The following ZNF385D variants were observed in gnomAD, a reference collection of about 807,000 sequenced individuals.
The protein encoded by ZNF385D is zinc finger protein 385D.
A neutral mutation model predicts 35.8 loss-of-function variants in ZNF385D; 15 were observed. That is an observed-to-expected ratio of 0.42 (90% CI 0.28 to 0.64). The LOEUF (loss-of-function observed/expected upper bound fraction) is 0.64, where lower values mean the gene tolerates loss of function less well. ZNF385D is among the 30% of genes least tolerant of loss of function. The probability of loss-of-function intolerance (pLI) is 0.23; values close to 1 mark genes in which losing one functional copy is unlikely to be tolerated. For synonymous variants in ZNF385D, 212 were observed against 186.8 expected, an observed-to-expected ratio of 1.13 and a Z score of -1.10; for missense variants, 474 against 494.6, an observed-to-expected ratio of 0.96 and a Z score of 0.39.
rs79444323 is a variant in ZNF385D, at chr3:21,546,062, A to T, written c.276+18512T>A. Among the ~76,000 whole-genome samples the T allele has an allele frequency of 1.1e-3, 160 of 152,204 alleles. 2 individuals are homozygous for T. The highest frequency in any genetic ancestry group is 8.2e-3 in the Admixed American group (125 of 15,284). On this transcript the variant is annotated intron_variant, in intron 3 of 7. Coordinates refer to ENST00000281523, the MANE Select transcript of ZNF385D (RefSeq NM_024697.3). ...ATTTTGCAAACTACTCAGTCCTATC[A>T]TATTTTTTTTTTGGTAACAAAATTG...
At chr3:22,129,887 T>C (rs1001245159) in intron 3 of ZNF385D, among the ~76,000 whole-genome samples, 1 of 152,050 alleles carries the variant, frequency 6.6e-6, no homozygotes, top group Non-Finnish European at 1.5e-5. Context: ...AGAAGGAGTC[T>C]CTTCTTATGG....
chr3:21,791,140 A>T (rs1360830698), intron 3 of ZNF385D, among the ~76,000 whole-genome samples: 1 of 152,216 alleles, frequency 6.6e-6, no homozygotes, highest in African/African-American at 2.4e-5. Context: ...AGGTCAATGC[A>T]GCATTTATAA....
intron 3 of ZNF385D, among the ~76,000 whole-genome samples, chr3:21,995,511 C>G (rs896913775): frequency 6.6e-6 from 1 of 152,020 alleles, no homozygotes; most frequent in East Asian, 1.9e-4. Context: ...GTGTAGGTGG[C>G]AGTGAGTGAG....
chr3:22,331,154 A>G (rs1164607847), intron 2 of ZNF385D, among the ~76,000 whole-genome samples: 1 of 152,214 alleles, frequency 6.6e-6, no homozygotes, highest in Non-Finnish European at 1.5e-5. Context: ...AGGTATTCCT[A>G]TGACAAATAC....
At position 21,645,450 on chromosome 3, in the gene ZNF385D, G is replaced by A. The variant is rs1029177562; in HGVS notation, c.165+19436C>T. 2.6e-5 allele frequency among the ~76,000 whole-genome samples: 4 copies of A among 152,254 alleles called. No homozygotes were observed. The East Asian group carries it at 5.8e-4, about 22-fold the overall frequency. On this transcript the variant is annotated intron_variant, in intron 2 of 7. Transcript: ENST00000281523. Reference sequence around the variant, plus strand: ...CCTTTAGTCTTGAACTCTCCTAAAGGTGGGGGATCTTAACTGCATTTGCAA... The same window carrying A: ...CCTTTAGTCTTGAACTCTCCTAAAGATGGGGGATCTTAACTGCATTTGCAA...
At chr3:21,812,576 G>A (rs181947504) in intron 3 of ZNF385D, among the ~76,000 whole-genome samples, 11 of 152,336 alleles carry the variant, frequency 7.2e-5, no homozygotes, top group Non-Finnish European at 8.8e-5. Context: ...AGGGTCCCAC[G>A]CCCACGGAGC....
intron 2 of ZNF385D, among the ~76,000 whole-genome samples, chr3:22,289,136 G>A (rs928278279): frequency 2.0e-5 from 3 of 152,158 alleles, no homozygotes; most frequent in Non-Finnish European, 4.4e-5. Flanking sequence ...CCTGGAAGAA[G>A]ATCTGTGGAA....
At chr3:21,635,241 T>C (rs1397000799) in intron 2 of ZNF385D, among the ~76,000 whole-genome samples, 1 of 152,120 alleles carries the variant, frequency 6.6e-6, no homozygotes, top group East Asian at 1.9e-4. Flanking sequence ...GTTCCACAAA[T>C]GTCATTGGTT....
At chr3:21,742,687 C>T (rs2069576751) in intron 1 of ZNF385D, among the ~76,000 whole-genome samples, 1 of 152,162 alleles carries the variant, frequency 6.6e-6, no homozygotes, top group African/African-American at 2.4e-5. Context: ...TGCCAGGAGG[C>T]CCTGGGCCCT....
intron 3 of ZNF385D, among the ~76,000 whole-genome samples, chr3:22,157,488 TC>T (rs1705668887): frequency 6.6e-6 from 1 of 152,138 alleles, no homozygotes; most frequent in African/African-American, 2.4e-5. Context: ...ATGTAGCTAT[TC>T]TACCAGTGAG....
At chr3:21,724,249 G>T (rs1186804765) in intron 1 of ZNF385D, among the ~76,000 whole-genome samples, 1 of 151,478 alleles carries the variant, frequency 6.6e-6, no homozygotes, top group African/African-American at 2.4e-5. Flanking sequence ...TCAACTAATG[G>T]GCAAAATAAC....
intron 2 of ZNF385D, among the ~76,000 whole-genome samples, chr3:22,252,578 G>T (rs1700117242): frequency 6.6e-6 from 1 of 152,024 alleles, no homozygotes; most frequent in African/African-American, 2.4e-5. Flanking sequence ...TGGGTGCTGT[G>T]CATTGTGCTA....
chr3:21,833,383 T>C (rs770863593), intron 3 of ZNF385D, among the ~76,000 whole-genome samples: 11 of 152,186 alleles, frequency 7.2e-5, no homozygotes, highest in Non-Finnish European at 1.5e-4. Flanking sequence ...ATTATCCAGA[T>C]GGACCCTAAA....
intron 2 of ZNF385D, among the ~76,000 whole-genome samples, chr3:22,262,876 T>G (rs1446812465): frequency 1.3e-5 from 2 of 151,936 alleles, no homozygotes; most frequent in Non-Finnish European, 2.9e-5. Context: ...TCTCCCCAGA[T>G]CTTTCTCATA....
rs1277128102 is a variant in ZNF385D, at chr3:21,892,353, T to C, written c.326-227325A>G. On this transcript the variant is annotated intron_variant, in intron 3 of 5. Coordinates refer to the ZNF385D transcript ENST00000494108. ...GGAGAAATAATAGCAAATGACTGCCTCAGGTTTGCCCAAATAAATTCCTCC... is the reference window on the plus strand; with the variant it reads ...GGAGAAATAATAGCAAATGACTGCCCCAGGTTTGCCCAAATAAATTCCTCC... Among the ~76,000 whole-genome samples the C allele has an allele frequency of 2.0e-5, 3 of 152,284 alleles. No homozygotes were observed. The East Asian group carries it at 5.8e-4, about 29-fold the overall frequency.
chr3:22,335,894 AT>A (rs1695139446), intron 2 of ZNF385D, among the ~76,000 whole-genome samples: 1 of 152,154 alleles, frequency 6.6e-6, no homozygotes, highest in Non-Finnish European at 1.5e-5. Flanking sequence ...CACTAAGTAC[AT>A]CTGGGTGTTT....
intron 3 of ZNF385D, among the ~76,000 whole-genome samples, chr3:21,532,495 A>C (rs1390791434): frequency 6.6e-6 from 1 of 152,084 alleles, no homozygotes; most frequent in African/African-American, 2.4e-5. Context: ...AGATTTCAAG[A>C]TATTCTTTGA....
At chr3:22,153,385 G>T (rs1442279657) in intron 3 of ZNF385D, among the ~76,000 whole-genome samples, 1 of 151,616 alleles carries the variant, frequency 6.6e-6, no homozygotes, top group East Asian at 1.9e-4. Context: ...TCTGTAGTTT[G>T]TGCAATCATG....
intron 3 of ZNF385D, among the ~76,000 whole-genome samples, chr3:21,785,532 G>T (rs1485709556): frequency 6.6e-6 from 1 of 152,152 alleles, no homozygotes; most frequent in African/African-American, 2.4e-5. Context: ...CTAAAGCTTT[G>T]TACCCTTTAA....
Sources: allele counts gnomAD v4.1 joint callset (sites outside exome capture counted in the v4.1 genomes callset), GRCh38; gene constraint gnomAD v4.1.1; transcripts MANE v1.5; gene names NCBI Gene and HGNC (gene_info 2026-07-23, HGNC 2026-07-21).